ADGRL3: variants seen among roughly 807,000 people sequenced by gnomAD.
The protein encoded by ADGRL3 is adhesion G protein-coupled receptor L3.
A neutral mutation model predicts 153.5 loss-of-function variants in ADGRL3; 62 were observed. The observed-to-expected ratio is 0.40, with a 90% confidence interval of 0.33 to 0.50. The LOEUF (loss-of-function observed/expected upper bound fraction) is 0.50, where lower values mean the gene tolerates loss of function less well. ADGRL3 is among the 20% of genes least tolerant of loss of function. The probability of loss-of-function intolerance (pLI) is 0.47; values close to 1 mark genes in which losing one functional copy is unlikely to be tolerated. For synonymous variants in ADGRL3, 710 were observed against 672.5 expected (o/e 1.06, Z -0.86); for missense variants, 1,641 against 1,859.4 (o/e 0.88, Z 2.16).
chr4:61,480,863 A>T (rs1352050361), intron 2 of ADGRL3, among the ~76,000 whole-genome samples: 1 of 152,170 alleles, frequency 6.6e-6, no homozygotes, highest in African/African-American at 2.4e-5. Context: ...TCTAAAGAAG[A>T]CATACAAATG....
intron 5 of ADGRL3, among the ~76,000 whole-genome samples, chr4:61,608,304 C>A (rs563321670): frequency 6.6e-6 from 1 of 152,298 alleles, no homozygotes; most frequent in African/African-American, 2.4e-5. Context: ...GCTGTTAGTT[C>A]TTCCATTGAT....
At chr4:61,804,867 G>T (rs958548483) in intron 8 of ADGRL3, among the ~76,000 whole-genome samples, 2 of 152,036 alleles carry the variant, frequency 1.3e-5, no homozygotes, top group African/African-American at 4.8e-5. Context: ...GAGAGGGTTG[G>T]GGAGAGGTGT....
At chr4:61,341,521 TTTA>T (rs1209622233) in intron 1 of ADGRL3, among the ~76,000 whole-genome samples, 1 of 151,244 alleles carries the variant, frequency 6.6e-6, no homozygotes, top group Admixed American at 6.6e-5. Context: ...TATATATATA[TTTA>T]TTATATATAT....
intron 2 of ADGRL3, chr4:61,427,788 C>T (rs1316743379): frequency 6.5e-6 from 1 of 152,718 alleles, no homozygotes; most frequent in Non-Finnish European, 1.5e-5. Flanking sequence ...TCCAGGCGCT[C>T]TGCTTGACCC....
intron 9 of ADGRL3, among the ~76,000 whole-genome samples, chr4:61,870,014 GGAAA>G (rs949182420): frequency 8.2e-5 from 11 of 134,038 alleles, no homozygotes; most frequent in Non-Finnish European, 1.8e-4. Flanking sequence ...GAGAGAGAAA[GGAAA>G]GAAAGAAGAA....
rs368528897 is a variant in ADGRL3 at position 62,070,481 on chromosome 4, C to T, written c.4205C>T (p.Pro1402Leu). Residue 1402 changes from proline to leucine, a missense_variant, in exon 27 of 27, where the codon CCT (proline) becomes CTT (leucine). By Grantham distance (98) the Pro-to-Leu change is moderately conservative. Transcript: ENST00000683033. ...LELIHEESDAPLLPPRVYSTE... is the reference protein window; with the variant it reads ...LELIHEESDALLLPPRVYSTE... ...CTCATTCATGAGGAATCTGATGCTC[C>T]TTTGCTGCCCCCAAGAGTATACTCC... 1.3e-6 allele frequency: 2 copies of T among 1,551,292 alleles called. No homozygotes were observed. The highest frequency in any genetic ancestry group is 2.7e-5 in the African/African-American group (2 of 72,866).
chr4:61,982,326 G>C (rs540496595), intron 18 of ADGRL3, among the ~76,000 whole-genome samples: 2 of 152,288 alleles, frequency 1.3e-5, no homozygotes, highest in South Asian at 2.1e-4. Flanking sequence ...TTGCTAGCGA[G>C]GTATCCTTTT....
chr4:61,230,575 G>A (rs1450952445), intron 1 of ADGRL3, among the ~76,000 whole-genome samples: 4 of 152,016 alleles, frequency 2.6e-5, no homozygotes, highest in Non-Finnish European at 5.9e-5. Context: ...TTGTAGAGAT[G>A]AGGTGTCACT....
At chr4:61,620,894 C>G (rs1253447013) in intron 5 of ADGRL3, among the ~76,000 whole-genome samples, 1 of 152,012 alleles carries the variant, frequency 6.6e-6, no homozygotes, top group East Asian at 1.9e-4. Context: ...CCGCCTCTGC[C>G]TCCCAAAGTG....
intron 1 of ADGRL3, among the ~76,000 whole-genome samples, chr4:61,333,725 T>C (rs564833270): frequency 6.6e-6 from 1 of 151,132 alleles, no homozygotes; most frequent in African/African-American, 2.4e-5. Context: ...GCCTCTGGAG[T>C]AGCTGAGACT....
rs556254343 is a variant in ADGRL3, at chr4:61,556,768, A to G, written c.260-30459A>G. ...TAGGTACTTAACCCCGGTGACAAGG[A>G]TTTGAAGGAGTTATTGAGGTTGTGT... On this transcript the variant is annotated intron_variant, in intron 4 of 26. Coordinates refer to ENST00000683033, the MANE Select transcript of ADGRL3 (RefSeq NM_001387552.1). Among the ~76,000 whole-genome samples the G allele has an allele frequency of 5.9e-5, 9 of 152,332 alleles. No individual in the cohort carries two copies. In the South Asian group the frequency reaches 1.9e-3, roughly 32 times the overall value.
chr4:61,304,347 T>C (rs2094693901), intron 1 of ADGRL3, among the ~76,000 whole-genome samples: 1 of 152,264 alleles, frequency 6.6e-6, no homozygotes, highest in Non-Finnish European at 1.5e-5. Flanking sequence ...TTTAAGATTG[T>C]GAGGCTTTCA....
chr4:61,228,573 C>G (rs561949334), intron 1 of ADGRL3, among the ~76,000 whole-genome samples: 1 of 152,088 alleles, frequency 6.6e-6, no homozygotes, highest in Non-Finnish European at 1.5e-5. Context: ...ACTGAGAGGA[C>G]CTTTAAGAAG....
At chr4:61,246,948 A>G (rs1194593022) in intron 1 of ADGRL3, among the ~76,000 whole-genome samples, 2 of 152,064 alleles carry the variant, frequency 1.3e-5, no homozygotes, top group Non-Finnish European at 2.9e-5. Context: ...AAGATATTCA[A>G]TTTATACTAT....
rs1738540804 is a variant in ADGRL3, at chr4:61,208,892, G to A, written c.-240+7127G>A. On this transcript the variant is annotated intron_variant, in intron 1 of 26. Transcript: ENST00000683033. ...CCATTTTCAGTGCAAAGGATCCTTG[G>A]GGTAATTATATACTGTAGTTCAGTC... 2.0e-5 allele frequency among the ~76,000 whole-genome samples: 3 copies of A among 151,974 alleles called. 1 individual carries two copies. In the South Asian group the frequency reaches 6.2e-4, roughly 32 times the overall value.
intron 8 of ADGRL3, among the ~76,000 whole-genome samples, chr4:61,757,402 T>G (rs528696337): frequency 6.6e-6 from 1 of 152,334 alleles, no homozygotes; most frequent in East Asian, 1.9e-4. Context: ...TCTAGTTTAT[T>G]TGCATAGAGG....
intron 4 of ADGRL3, among the ~76,000 whole-genome samples, chr4:61,534,628 G>T (rs1352965384): frequency 6.6e-6 from 1 of 151,874 alleles, no homozygotes; most frequent in Non-Finnish European, 1.5e-5. Flanking sequence ...AGTGTTTTGT[G>T]GTTCTCCTCG....
chr4:62,056,506 G>T (rs1231909466), intron 25 of ADGRL3, among the ~76,000 whole-genome samples: 2 of 151,886 alleles, frequency 1.3e-5, no homozygotes, highest in African/African-American at 2.4e-5. Context: ...GCAGTGTTAA[G>T]GATTTCCCAA....
chr4:61,724,033 A>T (rs368155789), intron 6 of ADGRL3, among the ~76,000 whole-genome samples: 1 of 151,190 alleles, frequency 6.6e-6, no homozygotes, highest in East Asian at 1.9e-4. Flanking sequence ...CACATCTGTA[A>T]GTGTGTTGAG....
Sources: gnomAD v4.1 joint callset for allele counts (sites outside exome capture counted in the v4.1 genomes callset) on GRCh38, gnomAD v4.1.1 for gene constraint, MANE v1.5 for transcripts, NCBI Gene and HGNC (gene_info 2026-07-23, HGNC 2026-07-21) for gene names.